Variants in SCAPER observed in about 807,000 individuals in gnomAD.
The protein encoded by SCAPER is S phase cyclin A-associated protein in the endoplasmic reticulum.
A neutral mutation model predicts 182.2 loss-of-function variants in SCAPER; 98 were observed. The observed-to-expected ratio is 0.54, with a 90% CI of 0.46 to 0.64. The LOEUF is 0.64. Among genes scored for constraint, SCAPER ranks in the 30% least tolerant of loss-of-function variants. The pLI is 0.00. For synonymous variants in SCAPER, 605 were observed against 564.6 expected, an observed-to-expected ratio of 1.07 and a Z score of -1.01; for missense variants, 1,432 against 1,690.0, an observed-to-expected ratio of 0.85 and a Z score of 2.68.
At chr15:76,417,475 G>C (rs1432994979) in intron 26 of SCAPER, among the ~76,000 whole-genome samples, 5 of 152,194 alleles carry the variant, frequency 3.3e-5, no homozygotes, top group Non-Finnish European at 5.9e-5. Flanking sequence ...CTGAATATTG[G>C]TTTGGTAAAA....
chr15:76,731,632 T>A (rs182193944), intron 16 of SCAPER, among the ~76,000 whole-genome samples: 167 of 152,350 alleles, frequency 1.1e-3, no homozygotes, highest in Non-Finnish European at 1.8e-3. Flanking sequence ...TACACATTTT[T>A]AAAATTTTAA....
At position 76,710,664 on chromosome 15, in the gene SCAPER, T is replaced by C. The variant is rs747369434; in HGVS notation, c.2166-4680A>G. On this transcript the variant is annotated intron_variant, in intron 17 of 31. Coordinates refer to ENST00000563290, the MANE Select transcript of SCAPER (RefSeq NM_020843.4). Reference sequence around the variant, plus strand: ...CAGAGAGAAACATCATATTCATGGATTGTAATATAAAATATTGTAAAGATG... The same window carrying C: ...CAGAGAGAAACATCATATTCATGGACTGTAATATAAAATATTGTAAAGATG... Among the ~76,000 whole-genome samples, 3 of 152,212 alleles carry C rather than the reference T, an allele frequency of 2.0e-5. No homozygotes were observed. The East Asian group carries it at 5.8e-4, about 29-fold the overall frequency.
chr15:76,821,850 C>T (rs1024997842), intron 5 of SCAPER, among the ~76,000 whole-genome samples: 1 of 151,882 alleles, frequency 6.6e-6, no homozygotes, highest in African/African-American at 2.4e-5. Flanking sequence ...TTGAAGCCAG[C>T]TTGGGCAACA....
In SCAPER at chr15:76,785,151, T is replaced by C. The variant is rs367554982; in HGVS notation, c.773-10034A>G. 1.9e-4 allele frequency among the ~76,000 whole-genome samples: 29 copies of C among 152,130 alleles called. 1 individual carries two copies. The East Asian group carries it at 2.7e-3, about 14-fold the overall frequency. ...ACTCATCTGACAAAGGGCTAATATCTAGAATCTACAAAGAACTTAAACAAA... is the reference window on the plus strand; with the variant it reads ...ACTCATCTGACAAAGGGCTAATATCCAGAATCTACAAAGAACTTAAACAAA... On this transcript the variant is annotated intron_variant, in intron 8 of 31. Coordinates refer to ENST00000563290, the MANE Select transcript of SCAPER (RefSeq NM_020843.4).
chr15:76,848,266 C>G (rs1348900590), intron 4 of SCAPER, among the ~76,000 whole-genome samples: 2 of 151,570 alleles, frequency 1.3e-5, no homozygotes, highest in African/African-American at 4.9e-5. Flanking sequence ...TCCCAAAGTG[C>G]TGGGATTACA....
At chr15:76,713,608 A>G (rs1293818371) in intron 17 of SCAPER, among the ~76,000 whole-genome samples, 2 of 151,748 alleles carry the variant, frequency 1.3e-5, no homozygotes, top group Non-Finnish European at 2.9e-5. Flanking sequence ...GAAGGGGAAC[A>G]TCACACTCTG....
chr15:76,760,518 T>C (rs2062712380), intron 14 of SCAPER, among the ~76,000 whole-genome samples: 2 of 152,186 alleles, frequency 1.3e-5, no homozygotes, highest in Non-Finnish European at 2.9e-5. Context: ...GGATTTTTCA[T>C]GGAAGCTTCA....
At chr15:76,603,380 C>A (rs1204626273) in intron 22 of SCAPER, among the ~76,000 whole-genome samples, 1 of 121,390 alleles carries the variant, frequency 8.2e-6, no homozygotes, top group African/African-American at 2.5e-5. Flanking sequence ...TTTATGGCTG[C>A]ATAGTATTCC....
intron 20 of SCAPER, among the ~76,000 whole-genome samples, chr15:76,672,967 T>G (rs67010831): frequency 0.38 from 57,885 of 151,714 alleles, 13,037 homozygotes; most frequent in Middle Eastern, 0.52. Flanking sequence ...TTTCAGCATT[T>G]AGGGGGAAAA....
At chr15:76,757,997 T>G (rs1217654510) in intron 14 of SCAPER, among the ~76,000 whole-genome samples, 1 of 152,206 alleles carries the variant, frequency 6.6e-6, no homozygotes. Flanking sequence ...ATATTTTAGA[T>G]ATTAATGCCT....
chr15:76,486,826 C>G (rs1241845725), intron 24 of SCAPER, among the ~76,000 whole-genome samples: 1 of 152,204 alleles, frequency 6.6e-6, no homozygotes, highest in Admixed American at 6.5e-5. Flanking sequence ...TTCAACCCAG[C>G]AGTCCCACTA....
chr15:76,793,214 T>C (rs1369352940), intron 8 of SCAPER: 4 of 1,159,726 alleles, frequency 3.4e-6, no homozygotes, highest in African/African-American at 1.5e-5. Context: ...TGTTATTATA[T>C]ATTACTTGAA....
At chr15:76,775,683 G>T (rs1445259041) in intron 8 of SCAPER, among the ~76,000 whole-genome samples, 1 of 151,928 alleles carries the variant, frequency 6.6e-6, no homozygotes, top group African/African-American at 2.4e-5. Context: ...AGCATCAACA[G>T]CATACCTTGA....
At position 76,603,996 on chromosome 15, in the gene SCAPER, T is replaced by C. The variant is rs1481186216; in HGVS notation, c.2711+17768A>G. 3.3e-5 allele frequency among the ~76,000 whole-genome samples: 4 copies of C among 121,636 alleles called. 2 individuals are homozygous for C. The highest frequency in any genetic ancestry group is 8.0e-5 in the Non-Finnish European group (4 of 50,102). The allele number at this position is 121,636 out of a possible 152,430, so 79.8% of individuals were successfully genotyped here. A position where few individuals can be genotyped will look rare whatever the true frequency, so the allele number is the denominator to read the frequency against. On this transcript the variant is annotated intron_variant, in intron 22 of 31. Transcript: ENST00000563290. Reference sequence around the variant, plus strand: ...GGTTGCCTGTTCAGTCTGATGGTAGTTTCTTTTGCTGTGCAGAAGCTCTTT... The same window carrying C: ...GGTTGCCTGTTCAGTCTGATGGTAGCTTCTTTTGCTGTGCAGAAGCTCTTT...
intron 23 of SCAPER, among the ~76,000 whole-genome samples, chr15:76,563,606 A>T (rs1267749090): frequency 5.9e-5 from 9 of 152,198 alleles, no homozygotes; most frequent in Non-Finnish European, 7.4e-5. Flanking sequence ...AAGAGCTAGT[A>T]CTATTCCTAC....
intron 26 of SCAPER, among the ~76,000 whole-genome samples, chr15:76,427,021 G>C (rs1420783488): frequency 6.6e-6 from 1 of 152,124 alleles, no homozygotes; most frequent in Non-Finnish European, 1.5e-5. Context: ...TCTACATGCA[G>C]AAGAATGAGA....
rs150357702 is a variant in SCAPER, at chr15:76,847,788, G to A, written c.196-5857C>T. ...ATGAAAAGGCTAACCAGGTGTGGTGGCACACACCTGTAGTCCCAGCCACTC... is the reference window on the plus strand; with the variant it reads ...ATGAAAAGGCTAACCAGGTGTGGTGACACACACCTGTAGTCCCAGCCACTC... On this transcript the variant is annotated intron_variant, in intron 4 of 31. Coordinates refer to ENST00000563290, the MANE Select transcript of SCAPER (RefSeq NM_020843.4). Among the ~76,000 whole-genome samples, 727 of 152,112 alleles carry A rather than the reference G, an allele frequency of 4.8e-3. 6 individuals are homozygous for A. The highest frequency in any genetic ancestry group is 0.016 in the African/African-American group (647 of 41,484).
intron 5 of SCAPER, among the ~76,000 whole-genome samples, chr15:76,821,827 T>C (rs1436149383): frequency 1.3e-5 from 2 of 152,028 alleles, no homozygotes; most frequent in East Asian, 3.8e-4. Context: ...GAGAATTTCT[T>C]GAACCCAGGA....
At chr15:76,598,144 T>C (rs1178308931) in intron 22 of SCAPER, among the ~76,000 whole-genome samples, 1 of 118,656 alleles carries the variant, frequency 8.4e-6, no homozygotes, top group African/African-American at 2.6e-5. Context: ...GGGTGATGGA[T>C]ATGAACAGAC....
Sources: gnomAD v4.1 joint callset for allele counts (sites outside exome capture counted in the v4.1 genomes callset) on GRCh38, gnomAD v4.1.1 for gene constraint, MANE v1.5 for transcripts, NCBI Gene and HGNC (gene_info 2026-07-23, HGNC 2026-07-21) for gene names.